CPNE7: variants seen among roughly 807,000 people sequenced by gnomAD.
CPNE7 encodes copine 7, also known as copine-7.
Under a neutral mutation model 66.5 loss-of-function variants are expected in CPNE7, and 78 were observed. The observed-to-expected ratio is 1.17, with a 90% CI of 0.98 to 1.42. CPNE7 has a LOEUF of 1.42. Among genes scored for constraint, CPNE7 ranks in the 40% most tolerant of loss-of-function variants. The probability of loss-of-function intolerance (pLI) is 0.00; values close to 1 mark genes in which losing one functional copy is unlikely to be tolerated. For synonymous variants in CPNE7, 468 were observed against 336.7 expected (o/e 1.39, Z -4.27); for missense variants, 1,012 against 776.6 (o/e 1.30, Z -3.60).
At chr16:89,586,916 G>T (rs375245294) in intron 8 of CPNE7, 127 bp from the exon 9 acceptor site, 3 of 1,103,778 alleles carry the variant, frequency 2.7e-6, no homozygotes, top group African/African-American at 1.6e-5. Flanking sequence ...GAGAGAGGAT[G>T]GGGGAGAGGA....
chr16:89,585,972 T>G (rs1366745257), intron 7 of CPNE7, among the ~76,000 whole-genome samples, 187 bp downstream of exon 7: 41 of 64,138 alleles, frequency 6.4e-4, no homozygotes, highest in African/African-American at 2.3e-3. Flanking sequence ...AGGAGCAGGT[T>G]GGGGGGGCCT....
chr16:89,581,530 G>A (rs550675356), intron 2 of CPNE7, among the ~76,000 whole-genome samples: 3 of 152,298 alleles, frequency 2.0e-5, no homozygotes, highest in South Asian at 2.1e-4. Flanking sequence ...CTGCAGCCTC[G>A]GTCGGAGCTG....
chr16:89,584,079 C>T lies in CPNE7; in HGVS notation c.484C>T (p.Arg162Trp), dbSNP rs747514745. ...GNNGYVELSF[R>W]ARKLDDKDLF... Reference sequence around the variant, plus strand: ...CAACGGCTACGTGGAGCTCTCCTTCCGGGCCAGGAAGCTGGACGACAAGGT... The same window carrying T: ...CAACGGCTACGTGGAGCTCTCCTTCTGGGCCAGGAAGCTGGACGACAAGGT... The change falls in exon 4 of 15, where the codon CGG becomes TGG. Residue 162 changes from arginine to tryptophan, a missense_variant. Transcript: ENST00000319518. The surrounding 1 kb of genome is among the most constrained non-coding windows in gnomAD (Gnocchi z 6.0). The T allele has an allele frequency of 7.2e-5, 116 of 1,611,668 alleles. 1 individual carries two copies. In the Admixed American group the frequency reaches 1.4e-3, roughly 20 times the overall value.
Position 89,584,252 on chromosome 16 carries a change from G to C in CPNE7, c.507+150G>C, listed in dbSNP as rs1039174627. ...CTGGGGCTGGGCGTGCTGCCGTCAC[G>C]GTCGCCATCATCACTGTCACCGCCA... On this transcript the variant is annotated intron_variant, in intron 4 of 14. Transcript: ENST00000319518. The surrounding 1 kb of genome is among the most constrained non-coding windows in gnomAD (Gnocchi z 6.0). The C allele has an allele frequency of 1.0e-5, 8 of 778,000 alleles. No homozygotes were observed. The East Asian group carries it at 2.2e-4, about 21-fold the overall frequency. 48.2% of individuals were successfully genotyped at this position (778,000 alleles called of 1,614,324 possible). A position where few individuals can be genotyped will look rare whatever the true frequency, so the allele number is the denominator to read the frequency against.
At chr16:89,590,151 G>T (rs543595410) in intron 11 of CPNE7, among the ~76,000 whole-genome samples, 200 bp downstream of exon 11, 23 of 152,330 alleles carry the variant, frequency 1.5e-4, no homozygotes, top group African/African-American at 5.5e-4. Context: ...TAGCTTGAGG[G>T]GTGTCTGGAG....
intron 10 of CPNE7, among the ~76,000 whole-genome samples, 188 bp from the exon 11 acceptor site, chr16:89,589,709 C>G (rs1238850008): frequency 6.6e-6 from 1 of 152,204 alleles, no homozygotes; most frequent in Non-Finnish European, 1.5e-5. Flanking sequence ...ACCGTGTCCC[C>G]TTGCACACAG....
At chr16:89,595,793 C>T (rs1226544914) in intron 14 of CPNE7, 190 bp downstream of exon 14, 1 of 702,728 alleles carries the variant, frequency 1.4e-6, no homozygotes, top group Non-Finnish European at 2.6e-6. Flanking sequence ...CCTGAAACAC[C>T]CTCCACCGTT....
chr16:89,587,676 G>A (rs1483606497), intron 9 of CPNE7: 57 of 382,246 alleles, frequency 1.5e-4, no homozygotes, highest in Middle Eastern at 5.5e-4. Context: ...CGCAGACCCC[G>A]CGTCACCCAT....
chr16:89,595,721 C>A, intron 14 of CPNE7, 118 bp downstream of exon 14: 1 of 893,844 alleles, frequency 1.1e-6, no homozygotes, highest in South Asian at 1.5e-5. Flanking sequence ...CTTCTTGTGT[C>A]TGGGGGATCC....
At chr16:89,587,484 G>C (rs1347957056) in intron 9 of CPNE7, 10 of 446,338 alleles carry the variant, frequency 2.2e-5, no homozygotes, top group South Asian at 6.3e-5. Context: ...TGGGGTTCAG[G>C]AAGCAGCCCC....
chr16:89,588,736 TCAACCCCTAC>T lies in CPNE7; in HGVS notation c.992_1001del (p.Asn331SerfsTer6). ...CGGAACAGCTGCTCCCTGCACTACA[TCAACCCCTAC>T]CAGCCGAACGAGTACCTGAAGGCAC... On this transcript the variant is annotated frameshift_variant, in exon 10 of 15. Coordinates refer to ENST00000319518, the MANE Select transcript of CPNE7 (RefSeq NM_153636.3). LOFTEE classifies it high-confidence loss of function. 1 of 1,613,616 alleles carries T rather than the reference TCAACCCCTAC, an allele frequency of 6.2e-7. No individual in the cohort carries two copies. The highest frequency in any genetic ancestry group is 1.1e-5 in the South Asian group (1 of 91,084).
intron 13 of CPNE7, among the ~76,000 whole-genome samples, chr16:89,592,672 G>C (rs1473704386): frequency 6.7e-6 from 1 of 149,774 alleles, no homozygotes; most frequent in African/African-American, 2.5e-5. Context: ...TTAAACTCCT[G>C]ACCTTGTGAT....
intron 7 of CPNE7, 22 bp downstream of exon 7, chr16:89,585,807 G>C: frequency 1.0e-6 from 1 of 971,884 alleles, no homozygotes. Context: ...GGGGTAGGGG[G>C]TCCTCCAGGG....
At chr16:89,587,174 T>C (rs2059061319) in intron 9 of CPNE7, 72 bp downstream of exon 9, 6 of 583,604 alleles carry the variant, frequency 1.0e-5, no homozygotes, top group Non-Finnish European at 1.5e-5. Context: ...CCTCAGTCCG[T>C]GGCCCCGCCC....
At chr16:89,592,890 G>T (rs2059196924) in intron 13 of CPNE7, among the ~76,000 whole-genome samples, 1 of 132,338 alleles carries the variant, frequency 7.6e-6, no homozygotes, top group Non-Finnish European at 1.5e-5. Flanking sequence ...TCGGCTCACT[G>T]CAAGCTCCGC....
rs74582467 is a variant in CPNE7 at position 89,593,214 on chromosome 16, C to G, written c.1302+1954C>G. ...TACATCTTCAAGCCAAATGGGAACC[C>G]TATATCTGTTTGCATCTATTTTTAA... On this transcript the variant is annotated intron_variant, in intron 13 of 14. Coordinates refer to ENST00000319518, the MANE Select transcript of CPNE7 (RefSeq NM_153636.3). Among the ~76,000 whole-genome samples, 3,269 of 152,130 alleles carry G rather than the reference C, an allele frequency of 0.021. 523 individuals carry two copies. In the East Asian group the frequency reaches 0.45, roughly 21 times the overall value.
intron 13 of CPNE7, among the ~76,000 whole-genome samples, chr16:89,591,571 C>T (rs932595094): frequency 6.6e-6 from 1 of 152,206 alleles, no homozygotes; most frequent in Non-Finnish European, 1.5e-5. Flanking sequence ...TGTGTATCGT[C>T]ATTTTGTTTA....
At chr16:89,593,697 C>G (rs901481975) in intron 13 of CPNE7, among the ~76,000 whole-genome samples, 4 of 152,228 alleles carry the variant, frequency 2.6e-5, no homozygotes, top group African/African-American at 7.2e-5. Flanking sequence ...CAAAGATATT[C>G]TCTTGTATAA....
chr16:89,587,187 C>CT (rs1567959669), intron 9 of CPNE7, 85 bp downstream of exon 9: 22 of 585,568 alleles, frequency 3.8e-5, no homozygotes, highest in Non-Finnish European at 5.2e-5. Flanking sequence ...CCCCGCCCCT[C>CT]CCCGCCCCCT....
Sources: gnomAD v4.1 joint callset for allele counts (sites outside exome capture counted in the v4.1 genomes callset) on GRCh38, gnomAD v4.1.1 for gene constraint, Gnocchi (gnomAD v3.1) non-coding constraint, MANE v1.5 for transcripts, NCBI Gene and HGNC (gene_info 2026-07-23, HGNC 2026-07-21) for gene names.